Variants in RBFOX1 observed in about 807,000 individuals in gnomAD.
RBFOX1 encodes RNA binding protein fox-1 homolog 1.
In RBFOX1, 8 loss-of-function variants were observed where a neutral mutation model predicts 57.7. The ratio of observed to expected loss-of-function variants is 0.14; its 90% CI spans 0.08 to 0.25. The LOEUF (loss-of-function observed/expected upper bound fraction) is 0.25, where lower values mean the gene tolerates loss of function less well. Among genes scored for constraint, RBFOX1 ranks in the 10% least tolerant of loss-of-function variants. The pLI is 1.00. For missense variants in RBFOX1, 611 were observed against 548.5 expected (o/e 1.11, Z -1.14); for synonymous variants, 326 against 222.4 (o/e 1.47, Z -4.15).
At chr16:5,984,209 T>G (rs1277939165) in intron 4 of RBFOX1, among the ~76,000 whole-genome samples, 1 of 123,278 alleles carries the variant, frequency 8.1e-6, no homozygotes, top group Admixed American at 8.6e-5. Context: ...CTCCCCCTTC[T>G]TCTTCTCTTC....
intron 3 of RBFOX1, among the ~76,000 whole-genome samples, chr16:6,823,453 T>A (rs571859623): frequency 2.0e-5 from 3 of 152,174 alleles, no homozygotes; most frequent in East Asian, 3.9e-4. Flanking sequence ...GATGGGGTTT[T>A]GCCATGTTGG....
intron 4 of RBFOX1, among the ~76,000 whole-genome samples, chr16:7,297,797 C>G (rs1020983543): frequency 6.6e-6 from 1 of 152,124 alleles, no homozygotes; most frequent in Non-Finnish European, 1.5e-5. Context: ...CGACATAAAT[C>G]TGTACAGAGT....
intron 5 of RBFOX1, among the ~76,000 whole-genome samples, chr16:7,551,335 C>T (rs181389294): frequency 7.2e-5 from 11 of 152,054 alleles, no homozygotes; most frequent in African/African-American, 2.7e-4. Flanking sequence ...CATGAGGCAT[C>T]CACAGAGGGG....
intron 5 of RBFOX1, among the ~76,000 whole-genome samples, chr16:7,529,212 G>C (rs1015503937): frequency 5.3e-5 from 8 of 152,146 alleles, no homozygotes; most frequent in African/African-American, 1.9e-4. Flanking sequence ...AGTGAGCTGA[G>C]ATCATGCCAC....
intron 3 of RBFOX1, among the ~76,000 whole-genome samples, chr16:5,861,469 T>C (rs1033199759): frequency 1.3e-5 from 2 of 152,248 alleles, no homozygotes; most frequent in African/African-American, 4.8e-5. Flanking sequence ...TCTTTCACTC[T>C]GATTTTCTGA....
intron 1 of RBFOX1, among the ~76,000 whole-genome samples, chr16:5,404,485 T>A (rs490662): frequency 1.1e-4 from 17 of 151,940 alleles, no homozygotes; most frequent in African/African-American, 3.9e-4. Context: ...TGGACTGCAC[T>A]TTGTAGGTCT....
intron 4 of RBFOX1, among the ~76,000 whole-genome samples, chr16:7,266,762 C>T (rs754310605): frequency 6.6e-6 from 1 of 151,444 alleles, no homozygotes; most frequent in Admixed American, 6.6e-5. Context: ...ATGTTAAATG[C>T]TACAAAGGGA....
At chr16:5,674,459 G>T (rs1034813601) in intron 3 of RBFOX1, among the ~76,000 whole-genome samples, 4 of 152,192 alleles carry the variant, frequency 2.6e-5, no homozygotes, top group African/African-American at 4.8e-5. Flanking sequence ...CCAGGACTCA[G>T]TCTCACGTTT....
At chr16:6,893,846 A>T (rs36073293) in intron 3 of RBFOX1, among the ~76,000 whole-genome samples, 1 of 152,068 alleles carries the variant, frequency 6.6e-6, no homozygotes, top group Non-Finnish European at 1.5e-5. Flanking sequence ...TTCAGGGCCA[A>T]TGGAATGAAT....
intron 4 of RBFOX1, among the ~76,000 whole-genome samples, chr16:7,293,889 G>C (rs946970442): frequency 1.3e-5 from 2 of 152,140 alleles, no homozygotes; most frequent in African/African-American, 4.8e-5. Context: ...TGTGTTCCAG[G>C]ATGAGACCCT....
At chr16:5,855,968 A>G (rs1265225191) in intron 3 of RBFOX1, among the ~76,000 whole-genome samples, 1 of 98,954 alleles carries the variant, frequency 1.0e-5, no homozygotes, top group Non-Finnish European at 2.1e-5. Flanking sequence ...ATTCCTATGT[A>G]TGTTATTCTT....
intron 11 of RBFOX1, among the ~76,000 whole-genome samples, chr16:7,651,771 C>T (rs1272464403): frequency 6.6e-6 from 1 of 152,202 alleles, no homozygotes; most frequent in African/African-American, 2.4e-5. Flanking sequence ...AGAGCATTTC[C>T]TTCATGGTGG....
chr16:6,020,347 C>T (rs937146537), intron 1 of RBFOX1, among the ~76,000 whole-genome samples: 2 of 152,130 alleles, frequency 1.3e-5, no homozygotes, highest in Non-Finnish European at 2.9e-5. Context: ...ATTAGTCTCC[C>T]TGGCCGGCTG....
intron 4 of RBFOX1, among the ~76,000 whole-genome samples, chr16:7,117,321 A>G (rs1356652670): frequency 1.3e-5 from 2 of 152,182 alleles, no homozygotes; most frequent in African/African-American, 4.8e-5. Context: ...AATACTTTTG[A>G]TTCGGTGGTA....
intron 2 of RBFOX1, among the ~76,000 whole-genome samples, chr16:5,590,608 G>A (rs566606182): frequency 2.6e-4 from 39 of 152,302 alleles, no homozygotes; most frequent in Non-Finnish European, 5.0e-4. Context: ...CGGACTGTCT[G>A]CCAAAGATTC....
intron 3 of RBFOX1, among the ~76,000 whole-genome samples, chr16:6,882,258 C>T (rs763941114): frequency 1.9e-4 from 29 of 152,192 alleles, no homozygotes; most frequent in Non-Finnish European, 3.7e-4. Flanking sequence ...AGGGAGAAGG[C>T]TTGGAGAGAA....
At chr16:6,659,810 G>C (rs1344202600) in intron 3 of RBFOX1, among the ~76,000 whole-genome samples, 2 of 152,138 alleles carry the variant, frequency 1.3e-5, no homozygotes, top group Non-Finnish European at 2.9e-5. Context: ...ATGTCTTCTG[G>C]CTTTGAGGGT....
chr16:6,367,394 C>T (rs1384303498), intron 2 of RBFOX1, among the ~76,000 whole-genome samples: 2 of 152,124 alleles, frequency 1.3e-5, no homozygotes, highest in Admixed American at 1.3e-4. Context: ...CCTCAGCCTC[C>T]TGAGTAGCTG....
chr16:7,462,196 A>G (rs543424276), intron 4 of RBFOX1, among the ~76,000 whole-genome samples: 1 of 152,234 alleles, frequency 6.6e-6, no homozygotes, highest in African/African-American at 2.4e-5. Flanking sequence ...AGAGTTTTCC[A>G]TATTTACATG....
Sources: allele counts gnomAD v4.1 joint callset (sites outside exome capture counted in the v4.1 genomes callset), GRCh38; gene constraint gnomAD v4.1.1; transcripts MANE v1.5; gene names NCBI Gene and HGNC (gene_info 2026-07-23, HGNC 2026-07-21).